Variants in SMC2 observed in about 807,000 individuals in gnomAD.
The protein encoded by SMC2 is structural maintenance of chromosomes 2.
SMC2 carries 41 observed loss-of-function variants against 142.6 expected under a neutral mutation model. The observed-to-expected ratio is 0.29, with a 90% CI of 0.22 to 0.37. The LOEUF is 0.37. SMC2 is among the 10% of genes least tolerant of loss of function. SMC2 has a pLI of 1.00. For synonymous variants in SMC2, 463 were observed against 457.5 expected (o/e 1.01, Z -0.15); for missense variants, 1,265 against 1,373.7 (o/e 0.92, Z 1.25).
At chr9:104,089,696 G>C (rs375737780), upstream of SMC2, among the ~76,000 whole-genome samples, 73 of 152,234 alleles carry the variant, frequency 4.8e-4, no homozygotes, top group South Asian at 6.9e-3. Flanking sequence ...CCAGGCTGGA[G>C]TGCAGTGGCG....
chr9:104,096,427 T>G (rs1830451362), intron 3 of SMC2, 130 bp downstream of exon 3: 1 of 724,422 alleles, frequency 1.4e-6, no homozygotes, highest in African/African-American at 1.8e-5. Context: ...TCTGACTAGA[T>G]TCCTTAATGT....
In SMC2 at chr9:104,114,712, T is replaced by C; in HGVS notation, c.1554T>C (p.Asn518=). The C allele has an allele frequency of 6.2e-7, 1 of 1,612,396 alleles. No individual in the cohort carries two copies. The highest frequency in any genetic ancestry group is 8.5e-7 in the Non-Finnish European group (1 of 1,179,066). Residue 518 remains asparagine (N), a synonymous_variant, in exon 13 of 25, where the codon AAT becomes AAC. Transcript: ENST00000374793. ...FAYKDPEKNW[N]RNCVKGLVAS... ...TCAGGGATCCAGAGAAGAACTGGAA[T>C]AGAAATTGTGTGAAAGGACTTGTGG... is the stretch of plus-strand genomic sequence containing the variant.
At position 104,127,420 on chromosome 9, in the gene SMC2, T is replaced by A; in HGVS notation, c.2730T>A (p.Ile910=). The change falls in exon 20 of 25, where the codon ATT becomes ATA. Residue 910 remains isoleucine, a synonymous_variant. Transcript: ENST00000374793. The part of the protein sequence containing the change: ...KEQNNDSQLK[I]KELDHNISKH... The stretch of plus-strand genomic sequence containing the variant: ...AAAACAATGATTCTCAGCTTAAAAT[T>A]AAGGAATTAGACCACAACATCAGCA... The A allele has an allele frequency of 6.2e-7, 1 of 1,613,662 alleles. No homozygotes were observed. The highest frequency in any genetic ancestry group is 8.5e-7 in the Non-Finnish European group (1 of 1,179,732).
At chr9:104,104,593 A>T (rs1831536985) in intron 9 of SMC2, among the ~76,000 whole-genome samples, 1 of 152,176 alleles carries the variant, frequency 6.6e-6, no homozygotes, top group African/African-American at 2.4e-5. Flanking sequence ...CTTTCTTGGG[A>T]TATTGCATTA....
chr9:104,122,612 A>G (rs1175697108), intron 16 of SMC2, among the ~76,000 whole-genome samples: 1 of 152,170 alleles, frequency 6.6e-6, no homozygotes, highest in Non-Finnish European at 1.5e-5. Context: ...GGATAGAATT[A>G]CAAAGTTTTC....
At chr9:104,116,016 ATGT>A (rs1159617660) in intron 13 of SMC2, among the ~76,000 whole-genome samples, 181 bp from the exon 14 acceptor site, 1 of 132,896 alleles carries the variant, frequency 7.5e-6, no homozygotes, top group Non-Finnish European at 1.7e-5. Context: ...GGGTTTATTC[ATGT>A]TGTCCCAAAT....
upstream of SMC2, among the ~76,000 whole-genome samples, chr9:104,093,448 T>A (rs1185843153): frequency 6.6e-6 from 1 of 152,200 alleles, no homozygotes; most frequent in East Asian, 1.9e-4. Flanking sequence ...TTTTACTTGG[T>A]CTCATTTAAC....
rs370526014 is a variant in SMC2, at chr9:104,120,139, A to G, written c.2109A>G (p.Ala703=). 225 of 1,611,894 alleles carry G rather than the reference A, an allele frequency of 1.4e-4. 6 individuals carry two copies. The highest frequency in any genetic ancestry group is 1.3e-3 in the South Asian group (122 of 90,500). Residue 703 remains alanine (A), a synonymous_variant, in exon 16 of 25, where the codon GCA becomes GCG. Transcript: ENST00000374793. ...NELRALEEEL[A]GLKNTAEKYR... The stretch of plus-strand genomic sequence containing the variant: ...TGCGGGCTCTAGAAGAGGAATTAGC[A>G]GGTCTTAAAAACACTGCTGAAAAGT...
intron 21 of SMC2, among the ~76,000 whole-genome samples, chr9:104,131,242 G>A (rs1037404152): frequency 6.6e-6 from 1 of 152,136 alleles, no homozygotes; most frequent in African/African-American, 2.4e-5. Flanking sequence ...CGTTATGTCA[G>A]AGAAAGAGCA....
chr9:104,120,846 C>T (rs1271980348), intron 16 of SMC2, among the ~76,000 whole-genome samples: 1 of 152,274 alleles, frequency 6.6e-6, no homozygotes, highest in East Asian at 1.9e-4. Context: ...CTGTGTGCCA[C>T]ATACTCTTCT....
intron 10 of SMC2, among the ~76,000 whole-genome samples, 190 bp downstream of exon 10, chr9:104,112,004 T>C (rs1832506371): frequency 6.6e-6 from 1 of 152,254 alleles, no homozygotes; most frequent in Non-Finnish European, 1.5e-5. Context: ...ATATTGGTGA[T>C]GTTAATTTGT....
At chr9:104,096,570 T>G (rs12236470) in intron 3 of SMC2, among the ~76,000 whole-genome samples, 19,903 of 152,276 alleles carry the variant, frequency 0.13, 1,573 homozygotes, top group Non-Finnish European at 0.16. Context: ...CTTCTTTGGT[T>G]GTTCTTGAAC....
At chr9:104,108,536 A>G (rs1024496434) in intron 9 of SMC2, among the ~76,000 whole-genome samples, 1 of 152,164 alleles carries the variant, frequency 6.6e-6, no homozygotes, top group East Asian at 1.9e-4. Flanking sequence ...CTCGGGATCC[A>G]TCTGACTACC....
At chr9:104,096,878 C>G (rs981958330) in intron 3 of SMC2, among the ~76,000 whole-genome samples, 3 of 152,176 alleles carry the variant, frequency 2.0e-5, no homozygotes, top group African/African-American at 7.2e-5. Flanking sequence ...GCTCCAGTTT[C>G]CCTCCCTGCT....
At chr9:104,110,342 CTT>C (rs1832284212) in intron 9 of SMC2, among the ~76,000 whole-genome samples, 2 of 152,154 alleles carry the variant, frequency 1.3e-5, no homozygotes, top group South Asian at 4.1e-4. Flanking sequence ...ATAATATAAA[CTT>C]ATCGCATCAA....
At chr9:104,120,192 A>C (rs1833571419) in intron 16 of SMC2, 30 bp downstream of exon 16, 1 of 1,546,866 alleles carries the variant, frequency 6.5e-7, no homozygotes, top group African/African-American at 1.4e-5. Context: ...TTTTTAATTA[A>C]AGATTTGCAT....
rs757900289 is a variant in SMC2, at chr9:104,127,344, A to G, written c.2654A>G (p.Gln885Arg). 1.2e-6 allele frequency: 2 copies of G among 1,613,776 alleles called. No homozygotes were observed. Among genetic ancestry groups the G allele is most frequent in the Admixed American group, 1.7e-5 (1 of 59,958 alleles). Reference protein sequence around the residue: ...VTKQKEVITAQDTVIKAKYAE... With the variant: ...VTKQKEVITARDTVIKAKYAE... ...AAGCAAAAAGAGGTGATAACAGCCC[A>G]AGACACTGTAATTAAAGCTAAATAT... is the stretch of plus-strand genomic sequence containing the variant. The change falls in exon 20 of 25, where the codon CAA becomes CGA. Residue 885 changes from glutamine (Q) to arginine (R), a missense_variant. This residue lies in a region of SMC2 where 898 missense variants were observed against 904.2 expected (regional missense o/e 0.99). Coordinates refer to ENST00000374793, the MANE Select transcript of SMC2 (RefSeq NM_006444.3).
chr9:104,089,914 G>A (rs1829965269), upstream of SMC2, among the ~76,000 whole-genome samples: 2 of 151,940 alleles, frequency 1.3e-5, no homozygotes, highest in Admixed American at 1.3e-4. Flanking sequence ...CCAAAGTGCT[G>A]GGATTACAGG....
chr9:104,099,995 A>G (rs1830930302), intron 5 of SMC2, 98 bp from the exon 6 acceptor site: 5 of 722,412 alleles, frequency 6.9e-6, no homozygotes, highest in African/African-American at 5.5e-5. Context: ...TTTTGGTAAG[A>G]TGTTTAGTGA....
Sources: gnomAD v4.1 joint callset for allele counts (sites outside exome capture counted in the v4.1 genomes callset) on GRCh38, gnomAD v4.1.1 for gene constraint, gnomAD v4.1.1 regional missense constraint, MANE v1.5 for transcripts, NCBI Gene and HGNC (gene_info 2026-07-23, HGNC 2026-07-21) for gene names.